GALNTL6: variants seen among roughly 807,000 people sequenced by gnomAD.
GALNTL6 encodes the protein polypeptide N-acetylgalactosaminyltransferase like 6.
A neutral mutation model predicts 73.7 loss-of-function variants in GALNTL6; 46 were observed. The observed-to-expected ratio is 0.62, with a 90% CI of 0.49 to 0.80. GALNTL6 has a LOEUF of 0.80. Among genes scored for constraint, GALNTL6 ranks in the 30% least tolerant of loss-of-function variants. The probability of loss-of-function intolerance (pLI) is 0.00; values close to 1 mark genes in which losing one functional copy is unlikely to be tolerated. For missense variants in GALNTL6, 604 were observed against 755.0 expected (o/e 0.80, Z 2.34); for synonymous variants, 259 against 263.7 (o/e 0.98, Z 0.17).
At chr4:171,925,741 A>C (rs192747761) in intron 2 of GALNTL6, among the ~76,000 whole-genome samples, 1 of 152,186 alleles carries the variant, frequency 6.6e-6, no homozygotes, top group East Asian at 1.9e-4. Context: ...TTAAAAAATT[A>C]ATGTGAAAGA....
At chr4:172,733,052 C>T (rs545065363) in intron 5 of GALNTL6, among the ~76,000 whole-genome samples, 7 of 152,314 alleles carry the variant, frequency 4.6e-5, no homozygotes, top group Admixed American at 2.0e-4. Flanking sequence ...CTTAATTTTG[C>T]ACCTTAGTGC....
At chr4:172,161,371 T>G (rs1266157630) in intron 2 of GALNTL6, among the ~76,000 whole-genome samples, 1 of 151,918 alleles carries the variant, frequency 6.6e-6, no homozygotes, top group African/African-American at 2.4e-5. Flanking sequence ...TTCAGCATGG[T>G]TTTTCCAAAA....
At chr4:172,326,272 A>G (rs1453633156) in intron 4 of GALNTL6, among the ~76,000 whole-genome samples, 1 of 152,026 alleles carries the variant, frequency 6.6e-6, no homozygotes, top group Non-Finnish European at 1.5e-5. Flanking sequence ...CAGTTTAAGA[A>G]AGCAGAAAGA....
At chr4:172,913,988 G>A (rs1281368255) in intron 8 of GALNTL6, among the ~76,000 whole-genome samples, 1 of 152,184 alleles carries the variant, frequency 6.6e-6, no homozygotes, top group Non-Finnish European at 1.5e-5. Flanking sequence ...AAGGCAGCCA[G>A]AGAGAAAGGT....
At chr4:172,908,602 G>C (rs944763526) in intron 8 of GALNTL6, among the ~76,000 whole-genome samples, 1 of 137,242 alleles carries the variant, frequency 7.3e-6, no homozygotes, top group African/African-American at 2.9e-5. Context: ...AAATATGCAT[G>C]AGCGTGAGTG....
intron 5 of GALNTL6, among the ~76,000 whole-genome samples, chr4:172,413,935 T>C (rs1297354781): frequency 2.0e-5 from 3 of 152,166 alleles, no homozygotes; most frequent in South Asian, 4.1e-4. Flanking sequence ...AGATAGACTT[T>C]ATCTATATCA....
chr4:172,481,382 G>C (rs1025239192), intron 5 of GALNTL6, among the ~76,000 whole-genome samples: 5 of 152,056 alleles, frequency 3.3e-5, no homozygotes, highest in Non-Finnish European at 7.4e-5. Flanking sequence ...GTATTGCAAA[G>C]AGCAAAAGAG....
At chr4:172,382,523 T>G (rs1210827676) in intron 5 of GALNTL6, among the ~76,000 whole-genome samples, 1 of 152,178 alleles carries the variant, frequency 6.6e-6, no homozygotes, top group Admixed American at 6.5e-5. Context: ...ATATATAATT[T>G]GTAAGCATAT....
At chr4:172,582,957 C>G (rs1326737577) in intron 5 of GALNTL6, among the ~76,000 whole-genome samples, 1 of 152,070 alleles carries the variant, frequency 6.6e-6, no homozygotes, top group East Asian at 1.9e-4. Flanking sequence ...TCTTGTCATC[C>G]CAGTAATTAG....
intron 2 of GALNTL6, among the ~76,000 whole-genome samples, chr4:172,030,374 A>G (rs1741730712): frequency 6.6e-6 from 1 of 152,056 alleles, no homozygotes. Context: ...GGTACCTAGT[A>G]TCCTTCTTGG....
intron 5 of GALNTL6, among the ~76,000 whole-genome samples, chr4:172,516,779 T>C (rs1330283879): frequency 1.3e-5 from 2 of 152,162 alleles, no homozygotes; most frequent in Admixed American, 1.3e-4. Flanking sequence ...GGGGAAGCAA[T>C]CCAAGTGTCC....
chr4:172,253,819 G>A (rs1232786412), intron 3 of GALNTL6, among the ~76,000 whole-genome samples: 1 of 151,846 alleles, frequency 6.6e-6, no homozygotes. Context: ...TTATTTTCTG[G>A]CTTTCTTTAA....
chr4:172,999,153 G>A (rs4572852), intron 10 of GALNTL6, among the ~76,000 whole-genome samples: 1 of 152,090 alleles, frequency 6.6e-6, no homozygotes. Flanking sequence ...CCCACGCCAA[G>A]GTTGAGATTC....
rs146032447 is a variant in GALNTL6 at position 172,612,329 on chromosome 4, A to AGAAG, written c.554-197029_554-197026dup. Among the ~76,000 whole-genome samples, 1,301 of 152,270 alleles carry AGAAG rather than the reference A, an allele frequency of 8.5e-3. 16 individuals are homozygous for AGAAG. Among genetic ancestry groups the AGAAG allele is most frequent in the African/African-American group, 0.026 (1,091 of 41,558 alleles). Reference sequence around the variant, plus strand: ...TATTATGATGCAGATGATCTGATAAAGAAGGACCTAGGAAAAGATGGATTT... The same window carrying AGAAG: ...TATTATGATGCAGATGATCTGATAAAGAAGGAAGGACCTAGGAAAAGATGGATTT... On this transcript the variant is annotated intron_variant, in intron 5 of 12. Transcript: ENST00000506823.
chr4:172,329,149 A>G (rs1188533597), intron 4 of GALNTL6, among the ~76,000 whole-genome samples: 1 of 152,214 alleles, frequency 6.6e-6, no homozygotes, highest in African/African-American at 2.4e-5. Flanking sequence ...TTGGTGGTCC[A>G]TACCAGCCTC....
At chr4:172,647,941 A>G (rs1740310860) in intron 5 of GALNTL6, among the ~76,000 whole-genome samples, 1 of 152,278 alleles carries the variant, frequency 6.6e-6, no homozygotes, top group South Asian at 2.1e-4. Flanking sequence ...GAAGCCACCC[A>G]CTATTCAATA....
chr4:171,829,353 T>C (rs1734905186), intron 2 of GALNTL6, among the ~76,000 whole-genome samples: 1 of 152,126 alleles, frequency 6.6e-6, no homozygotes, highest in Non-Finnish European at 1.5e-5. Flanking sequence ...CCAAGGTGCT[T>C]AACTGAGCAG....
chr4:172,289,329 C>G (rs1351856525), intron 3 of GALNTL6, among the ~76,000 whole-genome samples: 1 of 152,168 alleles, frequency 6.6e-6, no homozygotes, highest in African/African-American at 2.4e-5. Context: ...TGTGTCCTAA[C>G]TACAGTCCAA....
rs4325991 is a variant in GALNTL6, at chr4:172,998,641, T to C, written c.1372-10537T>C. 9.3e-3 allele frequency among the ~76,000 whole-genome samples: 1,420 copies of C among 152,262 alleles called. 55 individuals are homozygous for C. Among genetic ancestry groups the C allele is most frequent in the East Asian group, 0.087 (449 of 5,178 alleles). The stretch of plus-strand genomic sequence containing the variant: ...TTTGAAAGGTCTCTGGTGACTTCCT[T>C]ATTGCCAAATCCAACAGCCTCTCCC... On this transcript the variant is annotated intron_variant, in intron 10 of 12. Coordinates refer to ENST00000506823, the MANE Select transcript of GALNTL6 (RefSeq NM_001034845.3).
Sources: gnomAD v4.1 joint callset for allele counts (sites outside exome capture counted in the v4.1 genomes callset) on GRCh38, gnomAD v4.1.1 for gene constraint, MANE v1.5 for transcripts, NCBI Gene and HGNC (gene_info 2026-07-23, HGNC 2026-07-21) for gene names.